Variants in VPS8 observed in about 807,000 individuals in gnomAD.
The protein encoded by VPS8 is VPS8 subunit of CORVET complex.
A neutral mutation model predicts 216.4 loss-of-function variants in VPS8; 129 were observed. The observed-to-expected ratio is 0.60, with a 90% CI of 0.52 to 0.69. The LOEUF (loss-of-function observed/expected upper bound fraction) is 0.69. Among genes scored for constraint, VPS8 ranks in the 30% least tolerant of loss-of-function variants. The pLI is 0.00. For missense variants in VPS8, 1,531 were observed against 1,683.5 expected (o/e 0.91, Z 1.59); for synonymous variants, 571 against 565.4 (o/e 1.01, Z -0.14).
rs1345043032 is a variant in VPS8, at chr3:184,837,994, A to G, written c.448-720A>G. ...TTTGCTGCTACAGTACTGTATCACT[A>G]CAAACTCTTAGGGTTATTTAAAGCT... On this transcript the variant is annotated intron_variant, in intron 5 of 47. Transcript: ENST00000625842. Among the ~76,000 whole-genome samples, 9 of 152,356 alleles carry G rather than the reference A, an allele frequency of 5.9e-5. No homozygotes were observed. In the East Asian group the frequency reaches 9.6e-4, roughly 16 times the overall value.
At chr3:184,889,486 A>G (rs1245485053) in intron 22 of VPS8, among the ~76,000 whole-genome samples, 2 of 152,036 alleles carry the variant, frequency 1.3e-5, no homozygotes, top group Non-Finnish European at 2.9e-5. Flanking sequence ...TTTTCCCTGG[A>G]CCATAGTACA....
At chr3:184,942,208 T>C (rs1560788933) in intron 36 of VPS8, among the ~76,000 whole-genome samples, 1 of 152,224 alleles carries the variant, frequency 6.6e-6, no homozygotes, top group Non-Finnish European at 1.5e-5. Flanking sequence ...ATGGACAGTC[T>C]TGCTCCCTTC....
intron 2 of VPS8, among the ~76,000 whole-genome samples, chr3:184,825,621 G>A (rs982354343): frequency 6.6e-6 from 1 of 152,206 alleles, no homozygotes; most frequent in Non-Finnish European, 1.5e-5. Context: ...TGGAAAGTAG[G>A]CCGGGCGTGG....
At chr3:184,813,519 G>T (rs1168449283) in intron 1 of VPS8, among the ~76,000 whole-genome samples, 2 of 152,114 alleles carry the variant, frequency 1.3e-5, no homozygotes, top group Admixed American at 1.3e-4. Flanking sequence ...CACAGAATAG[G>T]TATTGAATCC....
chr3:184,931,725 A>G (rs978342917), intron 34 of VPS8, among the ~76,000 whole-genome samples: 5 of 152,182 alleles, frequency 3.3e-5, no homozygotes, highest in African/African-American at 7.2e-5. Flanking sequence ...TAACAACAAG[A>G]TGAATATATC....
chr3:184,934,607 G>A (rs1324601441), intron 34 of VPS8, among the ~76,000 whole-genome samples: 1 of 152,092 alleles, frequency 6.6e-6, no homozygotes, highest in Non-Finnish European at 1.5e-5. Flanking sequence ...TTTCTACTAT[G>A]CCAAGAGTTT....
intron 3 of VPS8, among the ~76,000 whole-genome samples, chr3:184,827,104 A>G (rs1202561123): frequency 1.3e-5 from 2 of 152,236 alleles, no homozygotes; most frequent in African/African-American, 4.8e-5. Flanking sequence ...TTTCCAAAAG[A>G]TAAAGACCCA....
At chr3:184,981,619 A>G (rs1261466240) in intron 40 of VPS8, among the ~76,000 whole-genome samples, 2 of 151,784 alleles carry the variant, frequency 1.3e-5, no homozygotes, top group African/African-American at 4.8e-5. Context: ...TATTTTTAGT[A>G]GAGACGGGGT....
Position 184,822,457 on chromosome 3 carries a change from AAG to A in VPS8, c.-88-2085_-88-2084del, listed in dbSNP as rs367547105. On this transcript the variant is annotated intron_variant, in intron 1 of 47. Transcript: ENST00000625842. ...TTAATAACTCCAGATATGAGATAAA[AAG>A]AGCTGGAAAAAATTGTTTTCCTTTC... Among the ~76,000 whole-genome samples the A allele has an allele frequency of 2.8e-4, 42 of 152,350 alleles. No homozygotes were observed. In the South Asian group the frequency reaches 7.9e-3, roughly 29 times the overall value.
At chr3:184,983,188 C>G (rs1210884504) in intron 42 of VPS8, 94 bp downstream of exon 42, 1 of 1,130,266 alleles carries the variant, frequency 8.8e-7, no homozygotes, top group South Asian at 2.2e-5. Flanking sequence ...TTAAATGGAT[C>G]TCAAGCATAA....
At chr3:185,021,749 G>C (rs983402556) in intron 45 of VPS8, among the ~76,000 whole-genome samples, 4 of 152,196 alleles carry the variant, frequency 2.6e-5, no homozygotes, top group African/African-American at 9.6e-5. Flanking sequence ...TAAAATCAGA[G>C]AGGTTAAACA....
chr3:184,970,726 T>C (rs1029711881), intron 39 of VPS8, among the ~76,000 whole-genome samples: 5 of 152,162 alleles, frequency 3.3e-5, no homozygotes, highest in Non-Finnish European at 5.9e-5. Context: ...TGGTGGTTTT[T>C]ATGGAAGGGA....
Position 184,862,961 on chromosome 3 carries a change from A to T in VPS8, c.1289A>T (p.Gln430Leu). 1 of 1,613,988 alleles carries T rather than the reference A, an allele frequency of 6.2e-7. No individual in the cohort carries two copies. ...GAGAAGTTGCATGTGATTGATCGGC[A>T]AACACAAGAGGAATTGGAGACAGTG... ...SVEKLHVIDRQTQEELETVEI... is the reference protein window; with the variant it reads ...SVEKLHVIDRLTQEELETVEI... Residue 430 changes from glutamine to leucine, a missense_variant, in exon 16 of 48, where the codon CAA becomes CTA. Gln to Leu is a moderately radical substitution (Grantham distance 113, BLOSUM62 -2). This residue lies in a region of VPS8 where 1,318 missense variants were observed against 1,468.4 expected (regional missense o/e 0.90). Coordinates refer to ENST00000625842, the MANE Select transcript of VPS8 (RefSeq NM_001009921.3).
chr3:184,951,693 CAAAAG>C (rs1433776457), intron 36 of VPS8, among the ~76,000 whole-genome samples: 2 of 152,002 alleles, frequency 1.3e-5, no homozygotes, highest in Admixed American at 6.6e-5. Flanking sequence ...CTAAAACTGA[CAAAAG>C]AAAGCAGTGG....
At chr3:184,841,460 A>T (rs560027909) in intron 7 of VPS8, among the ~76,000 whole-genome samples, 117 of 152,310 alleles carry the variant, frequency 7.7e-4, no homozygotes, top group South Asian at 1.7e-3. Flanking sequence ...AATTTACTTA[A>T]TCATTTCCTA....
intron 7 of VPS8, among the ~76,000 whole-genome samples, chr3:184,841,368 A>G (rs912408662): frequency 6.6e-6 from 1 of 152,172 alleles, no homozygotes; most frequent in African/African-American, 2.4e-5. Flanking sequence ...ATTTTAATGA[A>G]TATCTTTCCA....
At chr3:184,933,458 C>T (rs990375560) in intron 34 of VPS8, among the ~76,000 whole-genome samples, 2 of 151,998 alleles carry the variant, frequency 1.3e-5, no homozygotes, top group African/African-American at 2.4e-5. Context: ...GGATGTTAGT[C>T]TTTTATCAGC....
chr3:184,815,997 T>A (rs1716239603), intron 1 of VPS8: 1 of 152,134 alleles, frequency 6.6e-6, no homozygotes, highest in African/African-American at 2.4e-5. Flanking sequence ...TTTACCTGCA[T>A]CAGTCAGTTA....
intron 24 of VPS8, 47 bp downstream of exon 24, chr3:184,898,701 C>T (rs1294001447): frequency 1.5e-6 from 2 of 1,361,624 alleles, no homozygotes; most frequent in Non-Finnish European, 2.0e-6. Flanking sequence ...TGTCTACTAA[C>T]TTTTTTCTCC....
Sources: allele counts gnomAD v4.1 joint callset (sites outside exome capture counted in the v4.1 genomes callset), GRCh38; gene constraint gnomAD v4.1.1; regional missense constraint gnomAD v4.1.1; transcripts MANE v1.5; gene names NCBI Gene and HGNC (gene_info 2026-07-23, HGNC 2026-07-21).